Variants in CNTNAP2 observed in about 807,000 individuals in gnomAD.
CNTNAP2 encodes the protein contactin associated protein 2.
Under a neutral mutation model 155.2 loss-of-function variants are expected in CNTNAP2, and 98 were observed. The observed-to-expected ratio is 0.63, with a 90% confidence interval of 0.54 to 0.75. The LOEUF (loss-of-function observed/expected upper bound fraction) is 0.75. Ranked by LOEUF, CNTNAP2 falls within the 30% of genes least tolerant of loss-of-function variation. The pLI is 0.00. For synonymous variants in CNTNAP2, 651 were observed against 631.2 expected, an observed-to-expected ratio of 1.03 and a Z score of -0.47; for missense variants, 1,727 against 1,688.1, an observed-to-expected ratio of 1.02 and a Z score of -0.40.
chr7:148,172,734 C>G (rs556742913), intron 18 of CNTNAP2, among the ~76,000 whole-genome samples: 3 of 152,264 alleles, frequency 2.0e-5, no homozygotes, highest in East Asian at 1.9e-4. Context: ...GCCCGAAACA[C>G]TACAAAGGCA....
intron 9 of CNTNAP2, among the ~76,000 whole-genome samples, chr7:147,326,466 G>A (rs915542319): frequency 8.5e-5 from 13 of 152,148 alleles, no homozygotes; most frequent in Admixed American, 4.6e-4. Context: ...CGGTGTTTCT[G>A]CTGTTTCACT....
intron 13 of CNTNAP2, among the ~76,000 whole-genome samples, chr7:147,699,084 G>A (rs980968765): frequency 6.6e-6 from 1 of 151,688 alleles, no homozygotes; most frequent in Non-Finnish European, 1.5e-5. Context: ...GAGGAAAAGG[G>A]GTAGTAGTGC....
chr7:148,351,647 G>A (rs1798427415), intron 21 of CNTNAP2, among the ~76,000 whole-genome samples: 1 of 149,470 alleles, frequency 6.7e-6, no homozygotes, highest in Admixed American at 6.8e-5. Context: ...GGAGGCTATG[G>A]CAGGAGAATC....
chr7:147,704,952 C>CTTCTTTAT, intron 13 of CNTNAP2, among the ~76,000 whole-genome samples: 1 of 151,702 alleles, frequency 6.6e-6, no homozygotes, highest in Admixed American at 6.6e-5. Context: ...TTATTTGGGT[C>CTTCTTTAT]TTCTTTATTT....
intron 15 of CNTNAP2, chr7:148,044,792 G>C (rs1038494702): frequency 6.6e-6 from 1 of 152,204 alleles, no homozygotes; most frequent in African/African-American, 2.4e-5. Context: ...CATGGCTTTT[G>C]TCTGCTCTGT....
intron 1 of CNTNAP2, among the ~76,000 whole-genome samples, chr7:146,334,348 G>A (rs985326069): frequency 1.3e-5 from 2 of 151,252 alleles, no homozygotes; most frequent in South Asian, 2.1e-4. Context: ...GGAGAATGGC[G>A]TGAACCCGGC....
intron 20 of CNTNAP2, among the ~76,000 whole-genome samples, chr7:148,235,468 G>T (rs1279372638): frequency 6.6e-6 from 1 of 152,146 alleles, no homozygotes; most frequent in Non-Finnish European, 1.5e-5. Context: ...CTGGTCTCCA[G>T]CAGTGATGAA....
chr7:148,222,608 A>G (rs1182698251), intron 19 of CNTNAP2, among the ~76,000 whole-genome samples: 2 of 152,230 alleles, frequency 1.3e-5, no homozygotes. Context: ...AGTCCTCATG[A>G]TCCAATCACC....
chr7:147,005,644 G>A (rs1354704676), intron 3 of CNTNAP2, among the ~76,000 whole-genome samples: 1 of 151,980 alleles, frequency 6.6e-6, no homozygotes, highest in Non-Finnish European at 1.5e-5. Flanking sequence ...GAAAAGTATG[G>A]TAATCCATGA....
intron 11 of CNTNAP2, among the ~76,000 whole-genome samples, chr7:147,553,293 G>A (rs1182178953): frequency 1.3e-5 from 2 of 152,168 alleles, no homozygotes; most frequent in African/African-American, 4.8e-5. Flanking sequence ...GGAAAAAAGA[G>A]AGGAGGTAAA....
At chr7:146,320,832 A>G (rs961000098) in intron 1 of CNTNAP2, among the ~76,000 whole-genome samples, 7 of 152,164 alleles carry the variant, frequency 4.6e-5, no homozygotes, top group African/African-American at 1.7e-4. Context: ...TTATTTTCTA[A>G]ATGGTTTGAT....
intron 1 of CNTNAP2, among the ~76,000 whole-genome samples, chr7:146,119,766 TAACCTATAA>T (rs1197401278): frequency 1.1e-4 from 16 of 152,092 alleles, no homozygotes; most frequent in Admixed American, 1.0e-3. Context: ...GTAGAACTAT[TAACCTATAA>T]TTTCATTGAC....
At chr7:147,535,288 A>T (rs1449944978) in intron 11 of CNTNAP2, among the ~76,000 whole-genome samples, 1 of 152,150 alleles carries the variant, frequency 6.6e-6, no homozygotes, top group Non-Finnish European at 1.5e-5. Context: ...GCTACTCAGG[A>T]GGCTGAGGCA....
chr7:146,947,785 A>G (rs1055762824), intron 3 of CNTNAP2, among the ~76,000 whole-genome samples: 1 of 151,500 alleles, frequency 6.6e-6, no homozygotes, highest in Non-Finnish European at 1.5e-5. Context: ...GGGTGCCTGT[A>G]GTCCCAGCTA....
At chr7:146,851,549 C>T (rs914027433) in intron 3 of CNTNAP2, among the ~76,000 whole-genome samples, 1 of 152,088 alleles carries the variant, frequency 6.6e-6, no homozygotes, top group Admixed American at 6.6e-5. Flanking sequence ...GCAGGGTTGA[C>T]TCCTCCTCTG....
chr7:146,139,964 T>C lies in CNTNAP2; in HGVS notation c.97+22991T>C, dbSNP rs571807046. 2.6e-5 allele frequency among the ~76,000 whole-genome samples: 4 copies of C among 152,246 alleles called. No individual in the cohort carries two copies. In the East Asian group the frequency reaches 7.7e-4, roughly 29 times the overall value. On this transcript the variant is annotated intron_variant, in intron 1 of 23. Transcript: ENST00000361727. ...CATGTAATTCATAAGCAGTTTTAGGTATCTAGCATTTCCATTAGCTCCAGC... is the reference window on the plus strand; with the variant it reads ...CATGTAATTCATAAGCAGTTTTAGGCATCTAGCATTTCCATTAGCTCCAGC...
intron 3 of CNTNAP2, among the ~76,000 whole-genome samples, chr7:146,939,238 T>C (rs1486753412): frequency 1.3e-5 from 2 of 152,178 alleles, no homozygotes; most frequent in Non-Finnish European, 2.9e-5. Flanking sequence ...TGTTCTATAG[T>C]ATGTTTCAGA....
At chr7:147,377,674 T>A (rs1011799209) in intron 9 of CNTNAP2, among the ~76,000 whole-genome samples, 1 of 151,980 alleles carries the variant, frequency 6.6e-6, no homozygotes, top group Admixed American at 6.6e-5. Context: ...CTTCCCTGTT[T>A]ATTTAGCTTG....
chr7:146,936,067 T>C (rs958296346), intron 3 of CNTNAP2, among the ~76,000 whole-genome samples: 29 of 152,222 alleles, frequency 1.9e-4, no homozygotes, highest in Middle Eastern at 3.4e-3. Context: ...AAAACCGTAA[T>C]CTATGAATGA....
Sources: gnomAD v4.1 joint callset for allele counts (sites outside exome capture counted in the v4.1 genomes callset) on GRCh38, gnomAD v4.1.1 for gene constraint, MANE v1.5 for transcripts, NCBI Gene and HGNC (gene_info 2026-07-23, HGNC 2026-07-21) for gene names.